RTL4: variants seen among roughly 807,000 people sequenced by gnomAD.
RTL4 encodes the protein retrotransposon Gag like 4.
A neutral mutation model predicts 5.3 loss-of-function variants in RTL4; 4 were observed. The observed-to-expected ratio is 0.75, with a 90% CI of 0.37 to 1.72. RTL4 has a LOEUF of 1.72. Among genes scored for constraint, RTL4 ranks in the 40% most tolerant of loss-of-function variants. The pLI is 0.04. For synonymous variants in RTL4, 98 were observed against 87.3 expected (o/e 1.12, Z -0.68); for missense variants, 260 against 227.1 (o/e 1.14, Z -0.93).
chrX:112,419,613 A>ATATATATATATATTTACATATGTATATG, the RTL4 span, among the ~76,000 whole-genome samples: 1 of 31,996 alleles, frequency 3.1e-5, no homozygotes, highest in African/African-American at 7.3e-5. Flanking sequence ...ATGTATATGT[A>ATATATATATATATTTACATATGTATATG]TATATATATA....
At chrX:112,311,689 A>G in the RTL4 span, among the ~76,000 whole-genome samples, 1 of 111,345 alleles carries the variant, frequency 9.0e-6, no homozygotes, top group Admixed American at 9.7e-5. Context: ...TCATTAGTGT[A>G]TTTAGGATTT....
chrX:112,177,294 C>T, the RTL4 span, among the ~76,000 whole-genome samples: 2 of 111,268 alleles, frequency 1.8e-5, no homozygotes, highest in African/African-American at 6.5e-5. Context: ...TGTCCACCAA[C>T]AGTATATAAG....
At chrX:112,235,910 G>A in the RTL4 span, among the ~76,000 whole-genome samples, 1 of 111,719 alleles carries the variant, frequency 9.0e-6, no homozygotes, top group Non-Finnish European at 1.9e-5. Flanking sequence ...CTGAGGAAAT[G>A]ATCCATTTTA....
the RTL4 span, among the ~76,000 whole-genome samples, chrX:112,181,295 A>T: frequency 1.8e-5 from 2 of 111,208 alleles, no homozygotes; most frequent in Non-Finnish European, 3.8e-5. Flanking sequence ...GTTTTTTTCC[A>T]TACCCCAGTG....
At chrX:112,285,798 T>C in the RTL4 span, among the ~76,000 whole-genome samples, 25,394 of 110,368 alleles carry the variant, frequency 0.23, 2,436 homozygotes, top group Admixed American at 0.32. Flanking sequence ...TGTAGCTTCT[T>C]ACTGGACATC....
the RTL4 span, among the ~76,000 whole-genome samples, chrX:112,154,057 A>G: frequency 9.0e-6 from 1 of 110,851 alleles, no homozygotes; most frequent in African/African-American, 3.3e-5. Context: ...AGAGTGGATA[A>G]TCTCAATGGA....
At chrX:112,325,030 G>T in the RTL4 span, among the ~76,000 whole-genome samples, 3 of 111,520 alleles carry the variant, frequency 2.7e-5, no homozygotes, top group Non-Finnish European at 5.6e-5. Flanking sequence ...GCCAAATCAT[G>T]AGTGAACTCC....
chrX:112,224,654 G>C, the RTL4 span, among the ~76,000 whole-genome samples: 1 of 111,461 alleles, frequency 9.0e-6, no homozygotes, highest in African/African-American at 3.3e-5. Flanking sequence ...AGACTCTTTA[G>C]AGAAATACTT....
the RTL4 span, among the ~76,000 whole-genome samples, chrX:112,084,636 GA>G: frequency 9.0e-6 from 1 of 111,401 alleles, no homozygotes; most frequent in Non-Finnish European, 1.9e-5. Flanking sequence ...CCTTTGGCAT[GA>G]GGGTGAGTAG....
the RTL4 span, among the ~76,000 whole-genome samples, chrX:112,401,953 A>G: frequency 9.0e-6 from 1 of 111,612 alleles, no homozygotes; most frequent in Admixed American, 9.5e-5. Flanking sequence ...CTACTCACCT[A>G]CGTGAATATT....
At chrX:112,297,321 T>TAACTGGC in the RTL4 span, among the ~76,000 whole-genome samples, 1 of 111,291 alleles carries the variant, frequency 9.0e-6, no homozygotes, top group Non-Finnish European at 1.9e-5. Context: ...AAAAGAGGTT[T>TAACTGGC]AACTGGCTCA....
chrX:112,126,400 C>G, the RTL4 span, among the ~76,000 whole-genome samples: 2 of 112,043 alleles, frequency 1.8e-5, no homozygotes, highest in African/African-American at 6.5e-5. Context: ...ACACAACATA[C>G]TGAATTTATG....
chrX:112,143,405 G>T, the RTL4 span, among the ~76,000 whole-genome samples: 1 of 111,190 alleles, frequency 9.0e-6, no homozygotes, highest in Non-Finnish European at 1.9e-5. Context: ...TCACCTTGTG[G>T]GTTTTGCTTT....
the RTL4 span, among the ~76,000 whole-genome samples, chrX:112,201,706 C>G: frequency 4.5e-5 from 5 of 110,604 alleles, no homozygotes; most frequent in Non-Finnish European, 9.5e-5. Context: ...GTGAGAAATG[C>G]ATTTTTTTTA....
At chrX:112,115,893 A>G in the RTL4 span, among the ~76,000 whole-genome samples, 1 of 112,429 alleles carries the variant, frequency 8.9e-6, no homozygotes, top group Non-Finnish European at 1.9e-5. Flanking sequence ...TAGATGGGCG[A>G]GTCTCGCTTG....
chrX:112,264,154 A>T, the RTL4 span, among the ~76,000 whole-genome samples: 2 of 111,480 alleles, frequency 1.8e-5, no homozygotes, highest in African/African-American at 6.5e-5. Flanking sequence ...TATGAGGGAA[A>T]ATAAAGATGA....
the RTL4 span, among the ~76,000 whole-genome samples, chrX:112,292,763 A>C: frequency 9.0e-6 from 1 of 111,717 alleles, no homozygotes; most frequent in Non-Finnish European, 1.9e-5. Context: ...AATGTGTAGA[A>C]TACAATAGCT....
the RTL4 span, among the ~76,000 whole-genome samples, chrX:112,324,668 C>A: frequency 1.8e-5 from 2 of 111,401 alleles, no homozygotes; most frequent in East Asian, 5.6e-4. Flanking sequence ...TCATTTGTCT[C>A]AAATTAGCTT....
the RTL4 span, among the ~76,000 whole-genome samples, chrX:112,120,340 T>A: frequency 9.0e-6 from 1 of 111,525 alleles, no homozygotes; most frequent in African/African-American, 3.3e-5. Flanking sequence ...GCAGTGGCGC[T>A]ATCTCAGCTC....
Sources: gnomAD v4.1 joint callset for allele counts (sites outside exome capture counted in the v4.1 genomes callset) on GRCh38, gnomAD v4.1.1 for gene constraint, MANE v1.5 for transcripts, NCBI Gene and HGNC (gene_info 2026-07-23, HGNC 2026-07-21) for gene names.